Variants in ZNF385B observed in about 807,000 individuals in gnomAD.
The protein encoded by ZNF385B is zinc finger protein 385B.
Under a neutral mutation model 39.2 loss-of-function variants are expected in ZNF385B, and 23 were observed. The observed-to-expected ratio is 0.59, with a 90% CI of 0.42 to 0.83. The LOEUF is 0.83. ZNF385B is among the 40% of genes least tolerant of loss of function. ZNF385B has a pLI of 0.00. For synonymous variants in ZNF385B, 205 were observed against 222.6 expected (o/e 0.92, Z 0.70); for missense variants, 552 against 598.9 (o/e 0.92, Z 0.82).
At chr2:179,631,633 T>C (rs3112954) in intron 3 of ZNF385B, among the ~76,000 whole-genome samples, 29,777 of 151,896 alleles carry the variant, frequency 0.2, 4,125 homozygotes, top group African/African-American at 0.4. Flanking sequence ...AAATAAACGG[T>C]GAACATCATA....
chr2:179,749,131 A>G (rs184390296), intron 3 of ZNF385B, among the ~76,000 whole-genome samples: 1 of 152,192 alleles, frequency 6.6e-6, no homozygotes, highest in Admixed American at 6.6e-5. Context: ...AGCTTCCAAA[A>G]GTAACTTACT....
At chr2:179,492,975 T>C (rs1328395994) in intron 5 of ZNF385B, among the ~76,000 whole-genome samples, 1 of 152,108 alleles carries the variant, frequency 6.6e-6, no homozygotes, top group Non-Finnish European at 1.5e-5. Flanking sequence ...ATATAAGAGA[T>C]TGGTCTGCTG....
chr2:179,807,077 T>C (rs1706398624), intron 1 of ZNF385B, among the ~76,000 whole-genome samples: 3 of 152,140 alleles, frequency 2.0e-5, no homozygotes, highest in African/African-American at 2.4e-5. Flanking sequence ...GTTGAGAAAA[T>C]ACTTGCCAAG....
At chr2:179,496,266 G>A (rs2056192901) in intron 5 of ZNF385B, among the ~76,000 whole-genome samples, 1 of 151,946 alleles carries the variant, frequency 6.6e-6, no homozygotes, top group Non-Finnish European at 1.5e-5. Flanking sequence ...TTGAAAATGG[G>A]CTATTTGAAA....
chr2:179,768,059 C>T (rs897956818), intron 3 of ZNF385B, among the ~76,000 whole-genome samples: 1 of 151,570 alleles, frequency 6.6e-6, no homozygotes, highest in African/African-American at 2.4e-5. Flanking sequence ...AAGTGATTTT[C>T]CTGCCTCAGA....
chr2:179,557,119 A>G (rs1339132400), intron 3 of ZNF385B, among the ~76,000 whole-genome samples: 1 of 149,178 alleles, frequency 6.7e-6, no homozygotes, highest in African/African-American at 2.5e-5. Flanking sequence ...GGATTTGGAG[A>G]GCTTAATCTA....
At chr2:179,500,453 G>A (rs2056652969) in intron 5 of ZNF385B, among the ~76,000 whole-genome samples, 2 of 152,074 alleles carry the variant, frequency 1.3e-5, no homozygotes, top group Non-Finnish European at 2.9e-5. Context: ...GATATCTACA[G>A]TGAACTCATT....
chr2:179,611,866 T>C (rs1689315975), intron 3 of ZNF385B, among the ~76,000 whole-genome samples: 1 of 152,154 alleles, frequency 6.6e-6, no homozygotes, highest in Admixed American at 6.5e-5. Flanking sequence ...TGGTATCGAT[T>C]GTAATGTCTC....
rs534852504 is a variant in ZNF385B at position 179,549,333 on chromosome 2, G to T, written c.299-4364C>A. Among the ~76,000 whole-genome samples the T allele has an allele frequency of 4.0e-5, 6 of 149,314 alleles. No individual in the cohort carries two copies. The East Asian group carries it at 5.8e-4, about 14-fold the overall frequency. On this transcript the variant is annotated intron_variant, in intron 3 of 9. Coordinates refer to ENST00000410066, the MANE Select transcript of ZNF385B (RefSeq NM_152520.6). Reference sequence around the variant, plus strand: ...TTCAGTTCTTTCAGGTATATACTTAGGTGTCAAATTTTGGAAATTGTTTGG... The same window carrying T: ...TTCAGTTCTTTCAGGTATATACTTATGTGTCAAATTTTGGAAATTGTTTGG...
chr2:179,520,465 A>C (rs867302552), intron 4 of ZNF385B, among the ~76,000 whole-genome samples: 2 of 152,168 alleles, frequency 1.3e-5, no homozygotes, highest in African/African-American at 2.4e-5. Context: ...CTATGTGACA[A>C]AGAAAATCTC....
rs546266672 is a variant in ZNF385B, at chr2:179,835,341, G to T, written c.-155+25760C>A. ...TTCCATCTATTTGTAACTTTTCAAAGTAAAATGTTGGGCAGGGGGAAGGTG... is the reference window on the plus strand; with the variant it reads ...TTCCATCTATTTGTAACTTTTCAAATTAAAATGTTGGGCAGGGGGAAGGTG... On this transcript the variant is annotated intron_variant, in intron 1 of 9. Transcript: ENST00000410066. Among the ~76,000 whole-genome samples the T allele has an allele frequency of 3.9e-5, 6 of 152,270 alleles. No homozygotes were observed. In the East Asian group the frequency reaches 1.2e-3, roughly 29 times the overall value.
chr2:179,693,276 C>T (rs1436438457), intron 3 of ZNF385B, among the ~76,000 whole-genome samples: 1 of 152,188 alleles, frequency 6.6e-6, no homozygotes, highest in Non-Finnish European at 1.5e-5. Flanking sequence ...ATCTAACCCA[C>T]CACACATGTT....
intron 4 of ZNF385B, among the ~76,000 whole-genome samples, chr2:179,538,520 A>T (rs868279627): frequency 6.6e-6 from 1 of 152,154 alleles, no homozygotes; most frequent in African/African-American, 2.4e-5. Context: ...AAAAATTTTT[A>T]AAAAATATTC....
At chr2:179,689,568 A>G (rs183338854) in intron 3 of ZNF385B, among the ~76,000 whole-genome samples, 5 of 152,238 alleles carry the variant, frequency 3.3e-5, no homozygotes, top group African/African-American at 7.2e-5. Context: ...AGGTAAGCTT[A>G]TTGGTCTACA....
chr2:179,536,772 A>T (rs1201042248), intron 4 of ZNF385B, among the ~76,000 whole-genome samples: 2 of 152,178 alleles, frequency 1.3e-5, no homozygotes, highest in Non-Finnish European at 2.9e-5. Context: ...ATGGTTGTGA[A>T]TGAGTGACTT....
chr2:179,715,095 A>C (rs1700250826), intron 3 of ZNF385B, among the ~76,000 whole-genome samples: 1 of 152,160 alleles, frequency 6.6e-6, no homozygotes, highest in Non-Finnish European at 1.5e-5. Context: ...AATTAAACAC[A>C]TCTATACACA....
At chr2:179,729,733 C>A (rs760438727) in intron 3 of ZNF385B, among the ~76,000 whole-genome samples, 1 of 152,178 alleles carries the variant, frequency 6.6e-6, no homozygotes, top group Non-Finnish European at 1.5e-5. Context: ...GCCCATGTGT[C>A]GAGGCAGAGA....
At chr2:179,838,781 T>A (rs1254272740) in intron 1 of ZNF385B, among the ~76,000 whole-genome samples, 5 of 151,724 alleles carry the variant, frequency 3.3e-5, no homozygotes, top group African/African-American at 1.2e-4. Context: ...TGAAAAATAA[T>A]CAGCAATTTG....
At chr2:179,845,934 T>G (rs1708776977) in intron 1 of ZNF385B, among the ~76,000 whole-genome samples, 1 of 152,232 alleles carries the variant, frequency 6.6e-6, no homozygotes. Context: ...CAGGACTTTT[T>G]CAAAGCCAAC....
Sources: allele counts gnomAD v4.1 joint callset (sites outside exome capture counted in the v4.1 genomes callset), GRCh38; gene constraint gnomAD v4.1.1; transcripts MANE v1.5; gene names NCBI Gene and HGNC (gene_info 2026-07-23, HGNC 2026-07-21).